TMEM106C: variants seen among roughly 807,000 people sequenced by gnomAD.
The protein encoded by TMEM106C is endoplasmic reticulum membrane protein overexpressed in cancer.
Under a neutral mutation model 30.8 loss-of-function variants are expected in TMEM106C, and 27 were observed. The ratio of observed to expected loss-of-function variants is 0.88; its 90% CI spans 0.65 to 1.21. The LOEUF is 1.21. Ranked by LOEUF, TMEM106C falls within the 50% of genes most tolerant of loss-of-function variation. The pLI is 0.00. For synonymous variants in TMEM106C, 123 were observed against 118.8 expected (o/e 1.04, Z -0.23); for missense variants, 288 against 307.8 (o/e 0.94, Z 0.48).
intron 3 of TMEM106C, 85 bp from the exon 4 acceptor site, chr12:47,965,753 T>C: frequency 1.3e-6 from 2 of 1,529,268 alleles, no homozygotes; most frequent in Non-Finnish European, 1.8e-6. Flanking sequence ...AGCTCCCTTC[T>C]CTTTCCTGGT....
At position 47,967,266 on chromosome 12, in the gene TMEM106C, G is replaced by GTC. The variant is rs771852992; in HGVS notation, c.656+11_656+12dup. ...CAACATAGTGATCTTCATGCGGTGCGTCTCTCTTCCCTATCCCGATGGCCT... is the reference window on the plus strand; with the variant it reads ...CAACATAGTGATCTTCATGCGGTGCGTCTCTCTCTTCCCTATCCCGATGGCCT... On this transcript the variant is annotated splice_donor_region_variant and intron_variant, in intron 7 of 7. Transcript: ENST00000429772. 177 of 1,614,072 alleles carry GTC rather than the reference G, an allele frequency of 1.1e-4. 2 individuals are homozygous for GTC. Among genetic ancestry groups the GTC allele is most frequent in the Non-Finnish European group, 5.7e-5 (67 of 1,179,954 alleles).
At chr12:47,966,322 C>T in intron 5 of TMEM106C, 93 bp downstream of exon 5, 5 of 1,424,240 alleles carry the variant, frequency 3.5e-6, no homozygotes, top group Non-Finnish European at 4.8e-6. Context: ...TCCTTTTTGT[C>T]TCCTCATTTC....
Position 47,968,558 on chromosome 12 carries a change from C to A in TMEM106C, c.*329C>A. On this transcript the variant is annotated 3_prime_UTR_variant, in exon 8 of 8. Coordinates refer to ENST00000429772, the MANE Select transcript of TMEM106C (RefSeq NM_001143842.2). ...ATAACGTGGTTCTAGGTTATCAAAC[C>A]ATGGAGTGATGTGGAGCTAGGATTG... 1 of 373,932 alleles carries A rather than the reference C, an allele frequency of 2.7e-6. No individual in the cohort carries two copies. The highest frequency in any genetic ancestry group is 7.0e-5 in the East Asian group (1 of 14,362). 23.2% of individuals were successfully genotyped at this position (373,932 alleles called of 1,614,324 possible).
At position 47,964,406 on chromosome 12, in the gene TMEM106C, C is replaced by T; in HGVS notation, c.170C>T (p.Thr57Ile). 1.9e-6 allele frequency: 3 copies of T among 1,614,106 alleles called. No homozygotes were observed. The highest frequency in any genetic ancestry group is 2.2e-5 in the East Asian group (1 of 44,874). ...DSITCLTCQGTGYIPTEQVNE... is the reference protein window; with the variant it reads ...DSITCLTCQGIGYIPTEQVNE... Reference sequence around the variant, plus strand: ...ATCACCTGTCTCACGTGCCAGGGGACAGGCTACATTCCAACAGGTGATCAT... The same window carrying T: ...ATCACCTGTCTCACGTGCCAGGGGATAGGCTACATTCCAACAGGTGATCAT... Residue 57 changes from threonine (T) to isoleucine (I), a missense_variant, in exon 2 of 8, where the codon ACA (threonine) becomes ATA (isoleucine). Transcript: ENST00000429772.
chr12:47,966,216 G>T lies in TMEM106C; in HGVS notation c.539G>T (p.Arg180Leu). 1 of 1,613,976 alleles carries T rather than the reference G, an allele frequency of 6.2e-7. No individual in the cohort carries two copies. The highest frequency in any genetic ancestry group is 8.5e-7 in the Non-Finnish European group (1 of 1,180,022). ...VTTNVSLIPPRSEQLVNFTGK... is the reference protein window; with the variant it reads ...VTTNVSLIPPLSEQLVNFTGK... ...ACTAACGTCTCCCTTATTCCACCTC[G>T]GAGTGAGCAACTGGTATGCTGTTCT... Residue 180 changes from arginine to leucine, a missense_variant, in exon 5 of 8, where the codon CGG (arginine) becomes CTG (leucine). Transcript: ENST00000429772.
chr12:47,964,285 A>G lies in TMEM106C; in HGVS notation c.49A>G (p.Lys17Glu). 6.2e-7 allele frequency: 1 copy of G among 1,614,096 alleles called. No individual in the cohort carries two copies. The highest frequency in any genetic ancestry group is 1.1e-5 in the South Asian group (1 of 91,042). The change falls in exon 2 of 8, where the codon AAG becomes GAG. Residue 17 changes from lysine (K) to glutamate (E), a missense_variant. Coordinates refer to ENST00000429772, the MANE Select transcript of TMEM106C (RefSeq NM_001143842.2). ...AAARPSSCRR[K>E]QEDDRDGLLA... Reference sequence around the variant, plus strand: ...TGCTCGCCCCTCCTCCTGCAGGCGAAAGCAAGAAGATGACAGGGACGGTTT... The same window carrying G: ...TGCTCGCCCCTCCTCCTGCAGGCGAGAGCAAGAAGATGACAGGGACGGTTT...
intron 6 of TMEM106C, 169 bp downstream of exon 6, chr12:47,966,901 T>C (rs1938245876): frequency 2.9e-6 from 2 of 682,918 alleles, no homozygotes; most frequent in South Asian, 3.7e-5. Context: ...TTATTATGTG[T>C]GTATTTGAAG....
Position 47,968,232 on chromosome 12 carries a change from ACT to A in TMEM106C, c.*4_*5del, listed in dbSNP as rs765649306. ...GAGGAAATTCCACAGCTATTTAACA[ACT>A]GCTATTGGTTCTTCCACACAGCGCC... On this transcript the variant is annotated 3_prime_UTR_variant, in exon 8 of 8. Transcript: ENST00000429772. The A allele has an allele frequency of 2.6e-5, 41 of 1,607,794 alleles. No individual in the cohort carries two copies. Among genetic ancestry groups the A allele is most frequent in the Non-Finnish European group, 3.2e-5 (38 of 1,174,662 alleles).
rs1263242148 is a variant in TMEM106C, at chr12:47,966,082, G to A, written c.412-7G>A. The A allele has an allele frequency of 1.9e-6, 3 of 1,614,242 alleles. No individual in the cohort carries two copies. Among genetic ancestry groups the A allele is most frequent in the Non-Finnish European group, 1.7e-6 (2 of 1,180,048 alleles). On this transcript the variant is annotated splice_region_variant and splice_polypyrimidine_tract_variant and intron_variant, in intron 4 of 7. Coordinates refer to ENST00000429772, the MANE Select transcript of TMEM106C (RefSeq NM_001143842.2). Reference sequence around the variant, plus strand: ...TTACACTTGTTTCCTGACTTGCCCTGATGTAGGCCACCCTGAAAATCAGGA... The same window carrying A: ...TTACACTTGTTTCCTGACTTGCCCTAATGTAGGCCACCCTGAAAATCAGGA...
At chr12:47,965,399 C>A in intron 3 of TMEM106C, 54 bp downstream of exon 3, 3 of 1,464,762 alleles carry the variant, frequency 2.0e-6, no homozygotes, top group Non-Finnish European at 1.9e-6. Context: ...TAATCTCTTT[C>A]TGTATGTATG....
rs928881317 is a variant in TMEM106C at position 47,967,131 on chromosome 12, A to T, written c.603-77A>T. On this transcript the variant is annotated intron_variant, in intron 6 of 7. Coordinates refer to ENST00000429772, the MANE Select transcript of TMEM106C (RefSeq NM_001143842.2). The stretch of plus-strand genomic sequence containing the variant: ...GGGGGAGGGGGGCACCCCAAACAGG[A>T]CAGTGTAACTCTGCACTCTTCTACT... 13 of 1,480,848 alleles carry T rather than the reference A, an allele frequency of 8.8e-6. No homozygotes were observed. In the Admixed American group the frequency reaches 2.2e-4, roughly 25 times the overall value. 91.7% of individuals were successfully genotyped at this position (1,480,848 alleles called of 1,614,324 possible). A position where few individuals can be genotyped will look rare whatever the true frequency, so the allele number is the denominator to read the frequency against.
At position 47,967,333 on chromosome 12, in the gene TMEM106C, T is replaced by TAGCCCGAGGCACCTAGCCCGA. The variant is rs1245906195; in HGVS notation, c.656+72_656+73insAGCCCGAGGCACCTAGCCCGA. 8.5e-6 allele frequency: 13 copies of TAGCCCGAGGCACCTAGCCCGA among 1,530,746 alleles called. No individual in the cohort carries two copies. In the East Asian group the frequency reaches 2.9e-4, roughly 34 times the overall value. 94.8% of individuals were successfully genotyped at this position (1,530,746 alleles called of 1,614,324 possible). A position where few individuals can be genotyped will look rare whatever the true frequency, so the allele number is the denominator to read the frequency against. On this transcript the variant is annotated intron_variant, in intron 7 of 7. Coordinates refer to ENST00000429772, the MANE Select transcript of TMEM106C (RefSeq NM_001143842.2). ...CTACCACCTTTGCTCAGGAGGCCCCTGTGTGACCACAGGGCAGAGGCACCT... is the reference window on the plus strand; with the variant it reads ...CTACCACCTTTGCTCAGGAGGCCCCTAGCCCGAGGCACCTAGCCCGAGTGTGACCACAGGGCAGAGGCACCT...
intron 2 of TMEM106C, 118 bp downstream of exon 2, chr12:47,964,541 C>A: frequency 1.1e-6 from 1 of 890,918 alleles, no homozygotes; most frequent in Non-Finnish European, 1.8e-6. Flanking sequence ...GTGCCCTGGA[C>A]AGGAGCCAGC....
At position 47,966,159 on chromosome 12, in the gene TMEM106C, A is replaced by T; in HGVS notation, c.482A>T (p.Tyr161Phe). 1 of 1,614,248 alleles carries T rather than the reference A, an allele frequency of 6.2e-7. No homozygotes were observed. The highest frequency in any genetic ancestry group is 1.1e-5 in the South Asian group (1 of 91,082). ...AVTSLSSQIQ[Y>F]MNTVVSTYVT... is the part of the protein sequence containing the mutation. ...ACCAGCCTGTCCAGCCAGATTCAGTACATGAACACAGTGGTCAGTACATAT... is the reference window on the plus strand; with the variant it reads ...ACCAGCCTGTCCAGCCAGATTCAGTTCATGAACACAGTGGTCAGTACATAT... The change falls in exon 5 of 8, where the codon TAC becomes TTC. Residue 161 changes from tyrosine to phenylalanine, a missense_variant. Coordinates refer to ENST00000429772, the MANE Select transcript of TMEM106C (RefSeq NM_001143842.2).
rs752502958 is a variant in TMEM106C, at chr12:47,964,261, G to C, written c.25G>C (p.Ala9Pro). 4 of 1,613,462 alleles carry C rather than the reference G, an allele frequency of 2.5e-6. No homozygotes were observed. Among genetic ancestry groups the C allele is most frequent in the Non-Finnish European group, 3.4e-6 (4 of 1,179,782 alleles). Residue 9 changes from alanine to proline, a missense_variant, in exon 2 of 8, where the codon GCT (alanine) becomes CCT (proline). Transcript: ENST00000429772. MGSQHSAA[A>P]RPSSCRRKQE... Reference sequence around the variant, plus strand: ...CATGGGGTCTCAGCATTCCGCTGCTGCTCGCCCCTCCTCCTGCAGGCGAAA... The same window carrying C: ...CATGGGGTCTCAGCATTCCGCTGCTCCTCGCCCCTCCTCCTGCAGGCGAAA...
chr12:47,966,056 C>G (rs1938211526), intron 4 of TMEM106C, 33 bp from the exon 5 acceptor site: 1 of 1,614,224 alleles, frequency 6.2e-7, no homozygotes, highest in African/African-American at 1.3e-5. Flanking sequence ...ACCCAGGACA[C>G]TTACACTTGT....
chr12:47,965,346 G>A lies in TMEM106C; in HGVS notation c.251+1G>A, dbSNP rs201441199. The A allele has an allele frequency of 2.1e-4, 346 of 1,613,582 alleles. No individual in the cohort carries two copies. The highest frequency in any genetic ancestry group is 2.7e-4 in the Non-Finnish European group (318 of 1,179,680). On this transcript the variant is annotated splice_donor_variant, in intron 3 of 7. Coordinates refer to ENST00000429772, the MANE Select transcript of TMEM106C (RefSeq NM_001143842.2). LOFTEE classifies it high-confidence loss of function. Reference sequence around the variant, plus strand: ...ATCAGAGATTGCGCCCTCAGCGAACGTGAGTTACCTGCTTCTCACCTGTTA... The same window carrying A: ...ATCAGAGATTGCGCCCTCAGCGAACATGAGTTACCTGCTTCTCACCTGTTA...
rs1240797530 is a variant in TMEM106C, at chr12:47,968,325, G to A, written c.*96G>A. On this transcript the variant is annotated 3_prime_UTR_variant, in exon 8 of 8. Coordinates refer to ENST00000429772, the MANE Select transcript of TMEM106C (RefSeq NM_001143842.2). ...CTGGACCTACCCCCACGTGGTGTAA[G>A]CAGAGGAGGAATTGGTTCACTTAAC... 2 of 957,462 alleles carry A rather than the reference G, an allele frequency of 2.1e-6. No individual in the cohort carries two copies. Among genetic ancestry groups the A allele is most frequent in the African/African-American group, 3.2e-5 (2 of 62,210 alleles). The allele number at this position is 957,462 out of a possible 1,614,324, so 59.3% of individuals were successfully genotyped here. A position where few individuals can be genotyped will look rare whatever the true frequency, so the allele number is the denominator to read the frequency against.
chr12:47,967,210 T>C lies in TMEM106C; in HGVS notation c.605T>C (p.Phe202Ser), dbSNP rs200676671. The change falls in exon 7 of 8, where the codon TTC becomes TCC. Residue 202 changes from phenylalanine (F) to serine (S), a missense_variant and splice_region_variant. Coordinates refer to ENST00000429772, the MANE Select transcript of TMEM106C (RefSeq NM_001143842.2). Reference protein sequence around the residue: ...EMGGPFSYVYFFCTVPEILVH... With the variant: ...EMGGPFSYVYSFCTVPEILVH... ...TTTCCATATTTGCTGTTTGGTAGCTTCTTCTGCACGGTACCTGAGATCCTG... is the reference window on the plus strand; with the variant it reads ...TTTCCATATTTGCTGTTTGGTAGCTCCTTCTGCACGGTACCTGAGATCCTG... The C allele has an allele frequency of 6.2e-7, 1 of 1,614,052 alleles. No individual in the cohort carries two copies. Among genetic ancestry groups the C allele is most frequent in the East Asian group, 2.2e-5 (1 of 44,886 alleles).
Sources: allele counts gnomAD v4.1 joint callset, GRCh38; gene constraint gnomAD v4.1.1; transcripts MANE v1.5; gene names NCBI Gene and HGNC (gene_info 2026-07-23, HGNC 2026-07-21).